Variants in TMEM38B observed in about 807,000 individuals in gnomAD.
The protein encoded by TMEM38B is transmembrane protein 38B, also known as trimeric intracellular cation channel type B.
In TMEM38B, 24 loss-of-function variants were observed where a neutral mutation model predicts 28.7. The ratio of observed to expected loss-of-function variants is 0.84; its 90% CI spans 0.61 to 1.18. The LOEUF (loss-of-function observed/expected upper bound fraction) is 1.18. TMEM38B is among the 50% of genes most tolerant of loss of function. TMEM38B has a pLI of 0.00. For missense variants in TMEM38B, 380 were observed against 350.9 expected (o/e 1.08, Z -0.66); for synonymous variants, 131 against 127.7 (o/e 1.03, Z -0.17).
intron 4 of TMEM38B, among the ~76,000 whole-genome samples, chr9:105,725,183 A>G (rs1215501140): frequency 2.0e-5 from 3 of 151,862 alleles, no homozygotes; most frequent in Admixed American, 2.0e-4. Context: ...TAAAATTGCA[A>G]CACCTCGTTC....
chr9:105,744,608 TA>T (rs1365119528), intron 4 of TMEM38B, among the ~76,000 whole-genome samples: 3 of 152,124 alleles, frequency 2.0e-5, no homozygotes, highest in Admixed American at 1.3e-4. Flanking sequence ...TATTTTACTT[TA>T]AGTTTTAGGG....
chr9:105,732,158 GA>G (rs1299460085), intron 4 of TMEM38B, among the ~76,000 whole-genome samples: 7 of 152,098 alleles, frequency 4.6e-5, no homozygotes, highest in Admixed American at 4.6e-4. Context: ...GGGGTTGTTT[GA>G]TTTTTTTCTT....
chr9:105,694,758 T>G lies in TMEM38B; in HGVS notation c.98T>G (p.Val33Gly), dbSNP rs1835218626. Reference protein sequence around the residue: ...IAHYLVSVMAVKRQPGAAALA... With the variant: ...IAHYLVSVMAGKRQPGAAALA... ...CACTATCTAGTGTCAGTGATGGCGG[T>G]GAAACGTCAGCCGGGTGAGTGCGGG... Residue 33 changes from valine to glycine, a missense_variant, in exon 1 of 6, where the codon GTG becomes GGG. Val to Gly is a moderately radical substitution (Grantham distance 109, BLOSUM62 -3). Coordinates refer to ENST00000374692, the MANE Select transcript of TMEM38B (RefSeq NM_018112.3). The G allele has an allele frequency of 6.3e-7, 1 of 1,597,478 alleles. No individual in the cohort carries two copies. The highest frequency in any genetic ancestry group is 1.7e-5 in the Admixed American group (1 of 58,238).
chr9:105,712,105 G>A (rs1172299081), intron 2 of TMEM38B, among the ~76,000 whole-genome samples: 2 of 152,216 alleles, frequency 1.3e-5, no homozygotes, highest in African/African-American at 2.4e-5. Context: ...AGTGCAGCCG[G>A]GGTTTCACCA....
chr9:105,738,261 G>A (rs564327220), intron 4 of TMEM38B, among the ~76,000 whole-genome samples: 2 of 152,170 alleles, frequency 1.3e-5, no homozygotes, highest in South Asian at 4.2e-4. Context: ...TGTTCACGGT[G>A]GTGGTGAGGG....
chr9:105,728,225 A>C (rs1241583271), intron 4 of TMEM38B, among the ~76,000 whole-genome samples: 1 of 152,006 alleles, frequency 6.6e-6, no homozygotes, highest in Non-Finnish European at 1.5e-5. Flanking sequence ...TATTTCTCCT[A>C]ACACTATCTC....
chr9:105,758,642 T>A, intron 5 of TMEM38B: 1 of 806,942 alleles, frequency 1.2e-6, no homozygotes, highest in Non-Finnish European at 2.2e-6. Context: ...TCTTCAGATT[T>A]CCTGCAACTT....
intron 5 of TMEM38B, among the ~76,000 whole-genome samples, chr9:105,750,140 CT>C (rs1166261330): frequency 2.6e-5 from 4 of 152,268 alleles, no homozygotes; most frequent in East Asian, 3.9e-4. Flanking sequence ...TGTATATCTT[CT>C]TTGGGAAAAT....
intron 4 of TMEM38B, among the ~76,000 whole-genome samples, chr9:105,726,861 C>CT (rs964818042): frequency 5.9e-5 from 9 of 151,352 alleles, no homozygotes; most frequent in South Asian, 4.2e-4. Flanking sequence ...TCCTCTAGTC[C>CT]TTTTTTTTGC....
chr9:105,761,372 A>G (rs1838042018), intron 5 of TMEM38B, among the ~76,000 whole-genome samples: 1 of 152,168 alleles, frequency 6.6e-6, no homozygotes, highest in South Asian at 2.1e-4. Flanking sequence ...TGTTTAATAT[A>G]TATATGTTTT....
Position 105,759,437 on chromosome 9 carries a change from G to C in TMEM38B, c.660+11247G>C, listed in dbSNP as rs1429722358. 5.8e-6 allele frequency: 9 copies of C among 1,559,906 alleles called. No homozygotes were observed. In the Admixed American group the frequency reaches 1.7e-4, roughly 30 times the overall value. On this transcript the variant is annotated intron_variant, in intron 5 of 5. Transcript: ENST00000374692. ...ATAAGCAATCCAGGATTTCAAGAAAGATGTGCTAAGAAAATGCAGCTAGTT... is the reference window on the plus strand; with the variant it reads ...ATAAGCAATCCAGGATTTCAAGAAACATGTGCTAAGAAAATGCAGCTAGTT...
chr9:105,721,478 TTTAATTTCTGTTC>T (rs1836314423), intron 2 of TMEM38B, 46 bp from the exon 3 acceptor site: 1 of 1,271,066 alleles, frequency 7.9e-7, no homozygotes, highest in South Asian at 2.0e-5. Flanking sequence ...TAGGTTAGAT[TTTAATTTCTGTTC>T]TTCTGATTCC....
intron 1 of TMEM38B, chr9:105,701,216 ATACCCAGGAGTAGGG>A (rs1467288108): frequency 6.6e-6 from 1 of 152,180 alleles, no homozygotes; most frequent in Admixed American, 6.5e-5. Context: ...GACTGGACAG[ATACCCAGGAGTAGGG>A]TTTGAACTTC....
At chr9:105,762,108 A>G (rs1299670407) in intron 5 of TMEM38B, among the ~76,000 whole-genome samples, 6 of 152,056 alleles carry the variant, frequency 3.9e-5, no homozygotes, top group Non-Finnish European at 7.4e-5. Flanking sequence ...CTTAATGTTT[A>G]ATGACTATTC....
chr9:105,725,244 T>G (rs954584325), intron 4 of TMEM38B, among the ~76,000 whole-genome samples: 4 of 151,988 alleles, frequency 2.6e-5, no homozygotes, highest in African/African-American at 9.7e-5. Flanking sequence ...TTATGTAATT[T>G]ACTTAATCAT....
At chr9:105,740,617 C>T (rs973683272) in intron 4 of TMEM38B, among the ~76,000 whole-genome samples, 1 of 152,110 alleles carries the variant, frequency 6.6e-6, no homozygotes, top group African/African-American at 2.4e-5. Flanking sequence ...AATTGCCTTT[C>T]ATATTGCTTA....
chr9:105,719,475 G>A (rs141157817), intron 2 of TMEM38B, among the ~76,000 whole-genome samples: 391 of 152,264 alleles, frequency 2.6e-3, no homozygotes, highest in Non-Finnish European at 4.7e-3. Context: ...AGGCTAATTT[G>A]TTATAGAGCA....
At chr9:105,737,247 C>A (rs923646247) in intron 4 of TMEM38B, among the ~76,000 whole-genome samples, 6 of 152,128 alleles carry the variant, frequency 3.9e-5, no homozygotes, top group African/African-American at 1.4e-4. Flanking sequence ...TCCCATGGGG[C>A]AGGGATGTAG....
chr9:105,747,491 C>T (rs965829828), intron 4 of TMEM38B, among the ~76,000 whole-genome samples: 80 of 151,928 alleles, frequency 5.3e-4, no homozygotes, highest in Non-Finnish European at 1.1e-3. Flanking sequence ...GTCTTGCTAG[C>T]GGTCTATCAA....
Sources: gnomAD v4.1 joint callset for allele counts (sites outside exome capture counted in the v4.1 genomes callset) on GRCh38, gnomAD v4.1.1 for gene constraint, MANE v1.5 for transcripts, NCBI Gene and HGNC (gene_info 2026-07-23, HGNC 2026-07-21) for gene names.